The following ASCC3 variants were observed in gnomAD, a reference collection of about 807,000 sequenced individuals.
ASCC3 encodes activating signal cointegrator 1 complex subunit 3, also known as ASC-1 complex subunit P200.
Under a neutral mutation model 256.3 loss-of-function variants are expected in ASCC3, and 158 were observed. The ratio of observed to expected loss-of-function variants is 0.62; its 90% CI spans 0.54 to 0.70. ASCC3 has a LOEUF of 0.70. Among genes scored for constraint, ASCC3 ranks in the 30% least tolerant of loss-of-function variants. The pLI, the probability that ASCC3 is intolerant of heterozygous loss-of-function variation, is 0.00. For synonymous variants in ASCC3, 948 were observed against 883.4 expected (o/e 1.07, Z -1.30); for missense variants, 2,259 against 2,626.0 (o/e 0.86, Z 3.05).
intron 10 of ASCC3, among the ~76,000 whole-genome samples, chr6:100,728,573 T>A (rs1367572124): frequency 6.6e-6 from 1 of 152,028 alleles, no homozygotes; most frequent in Non-Finnish European, 1.5e-5. Context: ...TAATTTATAA[T>A]ACTCCAAAAT....
At chr6:100,842,309 T>A (rs1772181753) in intron 4 of ASCC3, among the ~76,000 whole-genome samples, 1 of 152,042 alleles carries the variant, frequency 6.6e-6, no homozygotes. Flanking sequence ...AATACACACA[T>A]TAAATGAGAG....
intron 36 of ASCC3, among the ~76,000 whole-genome samples, chr6:100,542,301 A>G (rs1775499285): frequency 6.6e-6 from 1 of 152,208 alleles, no homozygotes; most frequent in Non-Finnish European, 1.5e-5. Flanking sequence ...TGTTATGTAC[A>G]GTGGAAGGAA....
At chr6:100,563,893 A>G (rs994979610) in intron 36 of ASCC3, among the ~76,000 whole-genome samples, 4 of 152,100 alleles carry the variant, frequency 2.6e-5, no homozygotes, top group African/African-American at 9.7e-5. Flanking sequence ...TATGGTAGGT[A>G]ATGTACTAAG....
At chr6:100,658,865 T>C (rs1229908199) in intron 16 of ASCC3, among the ~76,000 whole-genome samples, 1 of 151,392 alleles carries the variant, frequency 6.6e-6, no homozygotes, top group Non-Finnish European at 1.5e-5. Context: ...GAAAGATTAA[T>C]ATAGTTTTGA....
At chr6:100,822,011 G>C (rs1242944380) in intron 4 of ASCC3, among the ~76,000 whole-genome samples, 1 of 152,030 alleles carries the variant, frequency 6.6e-6, no homozygotes, top group Non-Finnish European at 1.5e-5. Context: ...GGGTGGAGGG[G>C]GTAGGGAGAA....
At chr6:100,693,248 C>T (rs956882793) in intron 13 of ASCC3, among the ~76,000 whole-genome samples, 8 of 151,740 alleles carry the variant, frequency 5.3e-5, no homozygotes, top group Non-Finnish European at 1.0e-4. Context: ...AGCATTTAGC[C>T]AAACCAACAA....
At chr6:100,609,820 G>T (rs1773302650) in intron 30 of ASCC3, among the ~76,000 whole-genome samples, 1 of 152,120 alleles carries the variant, frequency 6.6e-6, no homozygotes, top group Admixed American at 6.6e-5. Context: ...TGAGACAGGA[G>T]AATCGCCTGA....
chr6:100,872,222 C>T (rs1773777173), intron 1 of ASCC3, among the ~76,000 whole-genome samples: 1 of 152,162 alleles, frequency 6.6e-6, no homozygotes, highest in Non-Finnish European at 1.5e-5. Context: ...GGGACCACTA[C>T]TTTCACCATT....
chr6:100,739,320 T>G, intron 10 of ASCC3, among the ~76,000 whole-genome samples: 1 of 152,222 alleles, frequency 6.6e-6, no homozygotes, highest in East Asian at 1.9e-4. Context: ...AGCTTTTTGT[T>G]GTGCTGCTGG....
intron 41 of ASCC3, among the ~76,000 whole-genome samples, 168 bp from the exon 42 acceptor site, chr6:100,509,701 C>T (rs970469639): frequency 1.3e-5 from 2 of 151,942 alleles, no homozygotes; most frequent in African/African-American, 4.8e-5. Flanking sequence ...GAGATGGAGA[C>T]CACGGTGAAA....
intron 30 of ASCC3, among the ~76,000 whole-genome samples, chr6:100,621,531 T>C (rs1053842970): frequency 2.0e-5 from 3 of 152,052 alleles, no homozygotes; most frequent in Admixed American, 6.6e-5. Context: ...AGCAAAACCA[T>C]AGTGAGGTAC....
At chr6:100,658,413 A>C (rs2114925402) in intron 16 of ASCC3, among the ~76,000 whole-genome samples, 1 of 151,624 alleles carries the variant, frequency 6.6e-6, no homozygotes, top group Non-Finnish European at 1.5e-5. Flanking sequence ...ATAAAAACTT[A>C]AGCAAATACT....
At chr6:100,673,114 A>G (rs191765019) in intron 14 of ASCC3, among the ~76,000 whole-genome samples, 218 of 152,230 alleles carry the variant, frequency 1.4e-3, no homozygotes, top group African/African-American at 4.9e-3. Context: ...ATTCCTTGAA[A>G]GATGATCCTA....
At chr6:100,796,153 A>G (rs1356881524) in intron 8 of ASCC3, among the ~76,000 whole-genome samples, 1 of 152,222 alleles carries the variant, frequency 6.6e-6, no homozygotes, top group Non-Finnish European at 1.5e-5. Context: ...ATACATAAAA[A>G]TATAAGTGGC....
chr6:100,583,313 G>C (rs1262443326), intron 36 of ASCC3, among the ~76,000 whole-genome samples: 1 of 152,098 alleles, frequency 6.6e-6, no homozygotes, highest in Non-Finnish European at 1.5e-5. Flanking sequence ...GTTTAGTCTT[G>C]GGAGGGTGTA....
intron 13 of ASCC3, among the ~76,000 whole-genome samples, chr6:100,682,250 A>G (rs1177798163): frequency 2.0e-5 from 3 of 151,772 alleles, no homozygotes; most frequent in African/African-American, 7.2e-5. Context: ...ATATGTTTCT[A>G]AACATGCATT....
At chr6:100,717,541 G>C (rs1280050286) in intron 12 of ASCC3, among the ~76,000 whole-genome samples, 2 of 151,822 alleles carry the variant, frequency 1.3e-5, no homozygotes, top group Non-Finnish European at 1.5e-5. Flanking sequence ...TTTAAAATTA[G>C]ATAAACTTTT....
At chr6:100,575,915 C>A (rs538144770) in intron 36 of ASCC3, among the ~76,000 whole-genome samples, 1 of 152,144 alleles carries the variant, frequency 6.6e-6, no homozygotes, top group Admixed American at 6.6e-5. Flanking sequence ...AGATCATGAT[C>A]CTGGTTTGCC....
Position 100,667,229 on chromosome 6 carries a change from T to A in ASCC3, c.2287-4693A>T, listed in dbSNP as rs150538784. Among the ~76,000 whole-genome samples the A allele has an allele frequency of 6.5e-4, 99 of 152,208 alleles. 1 individual carries two copies. Among genetic ancestry groups the A allele is most frequent in the Middle Eastern group, 3.4e-3 (1 of 294 alleles). The stretch of plus-strand genomic sequence containing the variant: ...ATCAAAGAAGTCTTTACAGAAAATG[T>A]GAAACGTGAGTCTTGAAGGACAAGG... On this transcript the variant is annotated intron_variant, in intron 14 of 41. Coordinates refer to ENST00000369162, the MANE Select transcript of ASCC3 (RefSeq NM_006828.4).
Sources: allele counts gnomAD v4.1 joint callset (sites outside exome capture counted in the v4.1 genomes callset), GRCh38; gene constraint gnomAD v4.1.1; transcripts MANE v1.5; gene names NCBI Gene and HGNC (gene_info 2026-07-23, HGNC 2026-07-21).